The following WNT7B variants were observed in gnomAD, a reference collection of about 807,000 sequenced individuals.
The protein encoded by WNT7B is protein Wnt-7b.
In WNT7B, 19 loss-of-function variants were observed where a neutral mutation model predicts 38.2. The observed-to-expected ratio is 0.50, with a 90% CI of 0.35 to 0.73. WNT7B has a LOEUF of 0.73. Among genes scored for constraint, WNT7B ranks in the 30% least tolerant of loss-of-function variants. WNT7B has a pLI of 0.01. For missense variants in WNT7B, 423 were observed against 507.9 expected (o/e 0.83, Z 1.61); for synonymous variants, 243 against 209.3 (o/e 1.16, Z -1.39).
In WNT7B at chr22:45,948,681, C is replaced by T. The variant is rs565491957; in HGVS notation, c.298+1239G>A. 7.9e-5 allele frequency among the ~76,000 whole-genome samples: 12 copies of T among 152,230 alleles called. 1 individual carries two copies. In the East Asian group the frequency reaches 2.3e-3, roughly 30 times the overall value. On this transcript the variant is annotated intron_variant, in intron 2 of 3. Coordinates refer to ENST00000339464, the MANE Select transcript of WNT7B (RefSeq NM_058238.3). ...GCACACAACAGCAGTTTACTGAGCA[C>T]CTGGGAGAGCCATGGGGACCCACAC... is the stretch of plus-strand genomic sequence containing the variant.
chr22:45,976,358 A>G lies in WNT7B; in HGVS notation c.71+326T>C, dbSNP rs983327221. ...CGCCCAGCGCAGCCCGGGGGAGGGA[A>G]GGCGCGTCCCACCCCCGGGGCCTGG... On this transcript the variant is annotated intron_variant, in intron 1 of 3. Transcript: ENST00000339464. The surrounding 1 kb of genome is among the most constrained non-coding windows in gnomAD (Gnocchi z 8.5). Among the ~76,000 whole-genome samples the G allele has an allele frequency of 2.7e-5, 4 of 150,454 alleles. No homozygotes were observed. The highest frequency in any genetic ancestry group is 9.8e-5 in the African/African-American group (4 of 41,016).
intron 3 of WNT7B, chr22:45,926,900 C>A: frequency 1.0e-6 from 1 of 985,436 alleles, no homozygotes; most frequent in South Asian, 4.7e-5. Flanking sequence ...AACAATGCGC[C>A]CACCCAGCAG....
intron 2 of WNT7B, among the ~76,000 whole-genome samples, chr22:45,932,416 A>ACGC (rs777062149): frequency 7.0e-6 from 1 of 142,632 alleles, no homozygotes; most frequent in Non-Finnish European, 1.6e-5. Flanking sequence ...GCCTTCCCAG[A>ACGC]CCCCCCCCGC....
Position 45,976,535 on chromosome 22 carries a change from G to C in WNT7B, c.71+149C>G. 1.2e-6 allele frequency: 1 copy of C among 806,206 alleles called. No individual in the cohort carries two copies. The highest frequency in any genetic ancestry group is 1.7e-5 in the African/African-American group (1 of 57,314). The allele number at this position is 806,206 out of a possible 1,614,324, so 49.9% of individuals were successfully genotyped here. ...TTGGGCTGCGTCTCTGCTGGCGTGG[G>C]GCGAGGGTCTGACACACGGGCCAGC... On this transcript the variant is annotated intron_variant, in intron 1 of 3. Coordinates refer to ENST00000339464, the MANE Select transcript of WNT7B (RefSeq NM_058238.3). The surrounding 1 kb of genome is among the most constrained non-coding windows in gnomAD (Gnocchi z 8.5).
intron 1 of WNT7B, among the ~76,000 whole-genome samples, chr22:45,953,335 C>T (rs1474319334): frequency 6.6e-6 from 1 of 151,440 alleles, no homozygotes; most frequent in East Asian, 1.9e-4. Flanking sequence ...TCACAGTCAC[C>T]ATGTCCCCAG....
intron 3 of WNT7B, chr22:45,926,992 C>T (rs1037871855): frequency 2.0e-6 from 2 of 985,334 alleles, no homozygotes; most frequent in African/African-American, 3.5e-5. Context: ...CCCCCTGGCT[C>T]CAGGAGCTGG....
intron 2 of WNT7B, among the ~76,000 whole-genome samples, chr22:45,944,390 C>T (rs1465947686): frequency 1.3e-5 from 2 of 152,206 alleles, no homozygotes; most frequent in African/African-American, 2.4e-5. Flanking sequence ...CTCCCAGGAG[C>T]CTGTGAGCTG....
intron 1 of WNT7B, among the ~76,000 whole-genome samples, chr22:45,974,767 AG>A (rs1932517747): frequency 6.6e-6 from 1 of 151,914 alleles, no homozygotes; most frequent in Non-Finnish European, 1.5e-5. Flanking sequence ...GGCTACACGG[AG>A]GCCCGGTGGG....
Position 45,975,487 on chromosome 22 carries a change from T to C in WNT7B, c.71+1197A>G. On this transcript the variant is annotated intron_variant, in intron 1 of 3. Coordinates refer to ENST00000339464, the MANE Select transcript of WNT7B (RefSeq NM_058238.3). This position sits in a 1 kb window ranked among gnomAD's most constrained non-coding sequence, Gnocchi z 6.6. ...CTCAGGCTAGGACGGGGGCTTCCAG[T>C]CCTGCCTCTGAAGCCACTGGCTTTG... is the stretch of plus-strand genomic sequence containing the variant. 1.4e-6 allele frequency: 1 copy of C among 712,458 alleles called. No individual in the cohort carries two copies. Among genetic ancestry groups the C allele is most frequent in the Non-Finnish European group, 2.6e-6 (1 of 382,130 alleles). The allele number at this position is 712,458 out of a possible 1,614,324, so 44.1% of individuals were successfully genotyped here.
intron 2 of WNT7B, among the ~76,000 whole-genome samples, chr22:45,933,341 TCTC>T (rs1345637330): frequency 6.6e-6 from 1 of 152,132 alleles, no homozygotes; most frequent in African/African-American, 2.4e-5. Flanking sequence ...CCTGCCAGCC[TCTC>T]CTCTTCTGGC....
rs913817861 is a variant in WNT7B, at chr22:45,951,110, C to T, written c.72-964G>A. Among the ~76,000 whole-genome samples the T allele has an allele frequency of 6.6e-6, 1 of 152,222 alleles. No homozygotes were observed. Among genetic ancestry groups the T allele is most frequent in the African/African-American group, 2.4e-5 (1 of 41,444 alleles). On this transcript the variant is annotated intron_variant, in intron 1 of 3. Coordinates refer to ENST00000339464, the MANE Select transcript of WNT7B (RefSeq NM_058238.3). This position sits in a 1 kb window ranked among gnomAD's most constrained non-coding sequence, Gnocchi z 4.8. ...TTTGAGACAGAGTTTCGGAGTCTCA[C>T]TCTGTCGCGCAGGCTGGAGTGCAGT...
rs570615455 is a variant in WNT7B at position 45,934,797 on chromosome 22, T to G, written c.299-3428A>C. 8.5e-5 allele frequency among the ~76,000 whole-genome samples: 13 copies of G among 152,366 alleles called. No individual in the cohort carries two copies. The South Asian group carries it at 1.0e-3, about 12-fold the overall frequency. On this transcript the variant is annotated intron_variant, in intron 2 of 3. Coordinates refer to ENST00000339464, the MANE Select transcript of WNT7B (RefSeq NM_058238.3). ...TCCTGCTAATTCCTTTTTTATTTGC[T>G]TTTAATGAGCCAAACCCTCTGGTCT...
At chr22:45,967,811 G>A (rs148807562) in intron 1 of WNT7B, among the ~76,000 whole-genome samples, 1,716 of 152,256 alleles carry the variant, frequency 0.011, 12 homozygotes, top group Middle Eastern at 0.02. Context: ...ATAATGTGCC[G>A]TCGGCGCCTC....
chr22:45,940,320 G>A (rs146594581), intron 2 of WNT7B, among the ~76,000 whole-genome samples: 7 of 152,208 alleles, frequency 4.6e-5, no homozygotes, highest in East Asian at 3.9e-4. Flanking sequence ...GTGAGACACC[G>A]AGCCGGGATC....
chr22:45,938,166 T>C (rs1931557776), intron 2 of WNT7B, among the ~76,000 whole-genome samples: 1 of 152,202 alleles, frequency 6.6e-6, no homozygotes, highest in Admixed American at 6.5e-5. Flanking sequence ...CTGTCATCCC[T>C]GCAGTGGCAC....
chr22:45,923,920 G>A (rs1931002863), intron 3 of WNT7B, among the ~76,000 whole-genome samples: 1 of 152,158 alleles, frequency 6.6e-6, no homozygotes, highest in Admixed American at 6.5e-5. Context: ...GCGAGGCCCG[G>A]GCATGCTGAG....
chr22:45,923,358 T>TCGGCA (rs777235999), intron 3 of WNT7B, 23 bp from the exon 4 acceptor site: 1 of 1,579,886 alleles, frequency 6.3e-7, no homozygotes, highest in Admixed American at 1.7e-5. Flanking sequence ...GGGAAGCTGC[T>TCGGCA]CGGCACGGCA....
At chr22:45,957,104 CAAAAAA>C (rs34329899) in intron 1 of WNT7B, among the ~76,000 whole-genome samples, 22 of 80,704 alleles carry the variant, frequency 2.7e-4, no homozygotes, top group African/African-American at 9.1e-4. Flanking sequence ...GACTCTGTCT[CAAAAAA>C]AAAAAAAAAA....
intron 1 of WNT7B, among the ~76,000 whole-genome samples, chr22:45,973,489 C>G (rs906547046): frequency 9.2e-5 from 14 of 152,206 alleles, no homozygotes; most frequent in African/African-American, 3.4e-4. Flanking sequence ...CTTCATCCCC[C>G]CTAGTCCAGG....
Sources: gnomAD v4.1 joint callset for allele counts (sites outside exome capture counted in the v4.1 genomes callset) on GRCh38, gnomAD v4.1.1 for gene constraint, Gnocchi (gnomAD v3.1) non-coding constraint, MANE v1.5 for transcripts, NCBI Gene and HGNC (gene_info 2026-07-23, HGNC 2026-07-21) for gene names.